The following NAA38 variants were observed in gnomAD, a reference collection of about 807,000 sequenced individuals.
NAA38 encodes the protein LSM domain containing 1.
NAA38 carries 15 observed loss-of-function variants against 12.6 expected under a neutral mutation model. The ratio of observed to expected loss-of-function variants is 1.19; its 90% confidence interval spans 0.79 to 1.83. The LOEUF (loss-of-function observed/expected upper bound fraction) is 1.83. Ranked by LOEUF, NAA38 falls within the 40% of genes most tolerant of loss-of-function variation. The probability of loss-of-function intolerance (pLI) is 0.00; values close to 1 mark genes in which losing one functional copy is unlikely to be tolerated. For missense variants in NAA38, 183 were observed against 171.7 expected (o/e 1.07, Z -0.37); for synonymous variants, 88 against 69.9 (o/e 1.26, Z -1.29).
chr17:7,884,984 C>A (rs1365488057), intron 1 of NAA38: 58 of 1,133,244 alleles, frequency 5.1e-5, no homozygotes, highest in Non-Finnish European at 5.7e-5. Context: ...GGGCCACGAC[C>A]GGGGCCGCGA....
At chr17:7,861,885 T>C (rs1323170676), upstream of NAA38, 1 of 152,246 alleles carries the variant, frequency 6.6e-6, no homozygotes, top group East Asian at 1.9e-4. Flanking sequence ...AAAGATCTTG[T>C]ATAAATCAGG....
At chr17:7,857,735 G>T, upstream of NAA38, 1 of 1,281,234 alleles carries the variant, frequency 7.8e-7, no homozygotes, top group Non-Finnish European at 9.9e-7. Flanking sequence ...GGAATTTAGC[G>T]AGAATACATT....
upstream of NAA38, chr17:7,858,562 C>T (rs11657911): frequency 6.2e-7 from 1 of 1,610,516 alleles, no homozygotes; most frequent in South Asian, 1.1e-5. Context: ...TAGCCAGAGC[C>T]TAATGGCTGC....
chr17:7,858,503 T>C, upstream of NAA38: 3 of 1,614,006 alleles, frequency 1.9e-6, no homozygotes, highest in South Asian at 3.3e-5. Flanking sequence ...GAACCTGGGA[T>C]TGTGGGTAGA....
intron 2 of NAA38, among the ~76,000 whole-genome samples, chr17:7,881,167 G>A (rs992303604): frequency 3.3e-5 from 5 of 152,152 alleles, no homozygotes; most frequent in Non-Finnish European, 7.3e-5. Context: ...GAGGAACTCC[G>A]GGACTAGGGG....
chr17:7,857,311 G>A lies in NAA38; in HGVS notation c.81+72C>T. 2 of 1,612,486 alleles carry A rather than the reference G, an allele frequency of 1.2e-6. No individual in the cohort carries two copies. Among genetic ancestry groups the A allele is most frequent in the Non-Finnish European group, 1.7e-6 (2 of 1,179,732 alleles). On this transcript the variant is annotated intron_variant, in intron 1 of 2. Coordinates refer to ENST00000575771, the MANE Select transcript of NAA38 (RefSeq NM_001320925.4). ...ACACAAAGCCCAGAGGCTGCCGGGA[G>A]CTGCAGTTCCCCACCCCCTCCATCT...
At chr17:7,858,517 A>T (rs367563138), upstream of NAA38, 4 of 1,613,884 alleles carry the variant, frequency 2.5e-6, no homozygotes, top group African/African-American at 5.3e-5. Flanking sequence ...GGGTAGAGGA[A>T]ATGGAGAGCG....
upstream of NAA38, chr17:7,860,582 T>C (rs1567814048): frequency 2.0e-5 from 3 of 152,212 alleles, no homozygotes; most frequent in Non-Finnish European, 4.4e-5. Context: ...TCTCTCAATA[T>C]AAAGGGACCA....
chr17:7,873,030 T>G (rs1423588361), intron 2 of NAA38, among the ~76,000 whole-genome samples: 3 of 152,204 alleles, frequency 2.0e-5, no homozygotes, highest in African/African-American at 7.2e-5. Context: ...AGTGCATGCC[T>G]GCTTACTGTG....
upstream of NAA38, chr17:7,857,834 C>T (rs1037608071): frequency 7.4e-7 from 1 of 1,353,022 alleles, no homozygotes; most frequent in Non-Finnish European, 9.5e-7. Flanking sequence ...TGAATTAAAA[C>T]GGAGCGTATT....
upstream of NAA38, chr17:7,858,372 C>T (rs2078851170): frequency 1.2e-6 from 2 of 1,614,118 alleles, no homozygotes; most frequent in South Asian, 2.2e-5. Context: ...GAAGGGCTGG[C>T]ATTGACAGTG....
upstream of NAA38, chr17:7,858,552 T>C: frequency 6.2e-7 from 1 of 1,612,768 alleles, no homozygotes; most frequent in Non-Finnish European, 8.5e-7. Context: ...AGGCGGAGGC[T>C]AGCCAGAGCC....
At chr17:7,878,965 A>G (rs904486489) in intron 2 of NAA38, among the ~76,000 whole-genome samples, 8 of 151,124 alleles carry the variant, frequency 5.3e-5, no homozygotes, top group African/African-American at 1.9e-4. Context: ...AACATAATTT[A>G]TAACATAAAA....
At chr17:7,872,368 T>G (rs1375651155) in intron 2 of NAA38, among the ~76,000 whole-genome samples, 3 of 152,110 alleles carry the variant, frequency 2.0e-5, no homozygotes, top group African/African-American at 7.2e-5. Context: ...AGAATTACAT[T>G]TTTTGTTTTG....
intron 2 of NAA38, among the ~76,000 whole-genome samples, chr17:7,871,491 C>T (rs532581722): frequency 4.6e-5 from 7 of 152,158 alleles, no homozygotes; most frequent in African/African-American, 1.7e-4. Flanking sequence ...ATTTCTATGA[C>T]ATCTTTATTT....
At chr17:7,877,285 G>C (rs1967191169) in intron 2 of NAA38, among the ~76,000 whole-genome samples, 1 of 151,754 alleles carries the variant, frequency 6.6e-6, no homozygotes. Flanking sequence ...TACACTTCCA[G>C]CATTTTTAAA....
At chr17:7,878,186 C>T (rs578021337) in intron 2 of NAA38, among the ~76,000 whole-genome samples, 1 of 151,924 alleles carries the variant, frequency 6.6e-6, no homozygotes, top group East Asian at 1.9e-4. Context: ...TTTTAAAGAA[C>T]ATTCATTTAA....
chr17:7,880,334 T>C (rs911971511), intron 2 of NAA38, among the ~76,000 whole-genome samples: 2 of 149,738 alleles, frequency 1.3e-5, no homozygotes, highest in African/African-American at 5.0e-5. Context: ...GACACAAAGA[T>C]AGAGGCTGAA....
rs1045071532 is a variant in NAA38 at position 7,871,386 on chromosome 17, ATAAAAGT to A, written c.-65-4835_-65-4829del. Among the ~76,000 whole-genome samples the A allele has an allele frequency of 3.9e-5, 6 of 152,248 alleles. No homozygotes were observed. The East Asian group carries it at 5.8e-4, about 15-fold the overall frequency. ...GTTCCTGGATGCAGAGTAAAACTCA[ATAAAAGT>A]CAGCAATCATCATCCTATTGTTCAT... On this transcript the variant is annotated intron_variant, in intron 2 of 4. Transcript: ENST00000576861.
Sources: gnomAD v4.1 joint callset for allele counts (sites outside exome capture counted in the v4.1 genomes callset) on GRCh38, gnomAD v4.1.1 for gene constraint, MANE v1.5 for transcripts, NCBI Gene and HGNC (gene_info 2026-07-23, HGNC 2026-07-21) for gene names.